Variants in PDLIM1 observed in about 807,000 individuals in gnomAD.
The protein encoded by PDLIM1 is PDZ and LIM domain protein 1.
Under a neutral mutation model 35.2 loss-of-function variants are expected in PDLIM1, and 25 were observed. The ratio of observed to expected loss-of-function variants is 0.71; its 90% confidence interval spans 0.52 to 0.99. The LOEUF is 0.99. Among genes scored for constraint, PDLIM1 ranks in the 50% least tolerant of loss-of-function variants. The pLI is 0.00. For missense variants in PDLIM1, 363 were observed against 415.3 expected (o/e 0.87, Z 1.09); for synonymous variants, 152 against 154.0 (o/e 0.99, Z 0.10).
At chr10:95,279,608 G>A (rs1422843201) in intron 1 of PDLIM1, among the ~76,000 whole-genome samples, 2 of 152,180 alleles carry the variant, frequency 1.3e-5, no homozygotes, top group African/African-American at 4.8e-5. Flanking sequence ...AACACGCTGA[G>A]CTCTGCATGC....
chr10:95,255,937 A>ACACACACACAC (rs1554832046), intron 4 of PDLIM1, among the ~76,000 whole-genome samples: 17 of 151,420 alleles, frequency 1.1e-4, no homozygotes, highest in South Asian at 6.3e-4. Context: ...ACACACACAC[A>ACACACACACAC]ATTGGAACTA....
At chr10:95,267,720 TCAACTTCATA>T (rs1250171390) in intron 3 of PDLIM1, among the ~76,000 whole-genome samples, 3 of 152,226 alleles carry the variant, frequency 2.0e-5, no homozygotes, top group African/African-American at 7.2e-5. Context: ...CCAAGTGAGT[TCAACTTCATA>T]CAAGTTTCTG....
At chr10:95,271,099 T>C (rs2035461309) in intron 2 of PDLIM1, among the ~76,000 whole-genome samples, 1 of 151,724 alleles carries the variant, frequency 6.6e-6, no homozygotes, top group Non-Finnish European at 1.5e-5. Context: ...CAAGTGAAAA[T>C]GCAAGTATCT....
intron 5 of PDLIM1, among the ~76,000 whole-genome samples, chr10:95,244,085 TTTG>T (rs537618929): frequency 2.0e-5 from 3 of 152,282 alleles, no homozygotes; most frequent in African/African-American, 7.2e-5. Context: ...ACACTTAAAA[TTTG>T]TTAAGATGGT....
chr10:95,286,285 G>T (rs1564607613), intron 1 of PDLIM1, among the ~76,000 whole-genome samples: 1 of 152,014 alleles, frequency 6.6e-6, no homozygotes, highest in African/African-American at 2.4e-5. Flanking sequence ...TGAACCCAGG[G>T]GGTGGAGGTT....
chr10:95,237,620 C>T lies in PDLIM1; in HGVS notation c.*305G>A, dbSNP rs1345458317. Reference sequence around the variant, plus strand: ...GTAAAAACAAAATCAGTGTCAGACACGTTATATTTGATTGGGTTCAAATTT... The same window carrying T: ...GTAAAAACAAAATCAGTGTCAGACATGTTATATTTGATTGGGTTCAAATTT... On this transcript the variant is annotated 3_prime_UTR_variant, in exon 7 of 7. Transcript: ENST00000329399. The T allele has an allele frequency of 2.8e-6, 1 of 355,950 alleles. No individual in the cohort carries two copies. The highest frequency in any genetic ancestry group is 2.1e-5 in the African/African-American group (1 of 48,732). The allele number at this position is 355,950 out of a possible 1,614,324, so 22.0% of individuals were successfully genotyped here.
intron 5 of PDLIM1, among the ~76,000 whole-genome samples, chr10:95,246,561 T>C (rs1421526285): frequency 6.6e-6 from 1 of 152,208 alleles, no homozygotes; most frequent in Non-Finnish European, 1.5e-5. Flanking sequence ...TCAGTTACGA[T>C]GATGGATGTT....
rs1050498720 is a variant in PDLIM1, at chr10:95,248,143, A to C, written c.534-777T>G. Among the ~76,000 whole-genome samples the C allele has an allele frequency of 2.6e-5, 4 of 152,138 alleles. 1 individual carries two copies. Among genetic ancestry groups the C allele is most frequent in the Admixed American group, 1.3e-4 (2 of 15,282 alleles). ...AGTCTCTCATCAGCTATACCTGTAA[A>C]TCTATCCTCCATCTGACCCCTTCTC... On this transcript the variant is annotated intron_variant, in intron 4 of 6. Coordinates refer to ENST00000329399, the MANE Select transcript of PDLIM1 (RefSeq NM_020992.4).
chr10:95,283,560 G>A (rs1589520763), intron 1 of PDLIM1, among the ~76,000 whole-genome samples: 2 of 152,212 alleles, frequency 1.3e-5, no homozygotes, highest in African/African-American at 2.4e-5. Flanking sequence ...GAAATGCTAC[G>A]TGTGCGGAAA....
At chr10:95,289,235 G>A (rs976539487) in intron 1 of PDLIM1, among the ~76,000 whole-genome samples, 2 of 152,230 alleles carry the variant, frequency 1.3e-5, no homozygotes, top group South Asian at 4.1e-4. Flanking sequence ...TAAGCGAGTT[G>A]AAATGTGCAG....
intron 1 of PDLIM1, among the ~76,000 whole-genome samples, chr10:95,287,503 C>T (rs1301656825): frequency 6.6e-6 from 1 of 152,172 alleles, no homozygotes; most frequent in Non-Finnish European, 1.5e-5. Context: ...ACTCCTCCAA[C>T]TAAGGGCATC....
At chr10:95,241,663 T>C (rs1025222652) in intron 5 of PDLIM1, among the ~76,000 whole-genome samples, 1 of 152,134 alleles carries the variant, frequency 6.6e-6, no homozygotes, top group Non-Finnish European at 1.5e-5. Flanking sequence ...CCATCCTGAC[T>C]TTAGCCAACG....
chr10:95,265,316 C>T (rs946887631), intron 3 of PDLIM1, among the ~76,000 whole-genome samples: 2 of 152,072 alleles, frequency 1.3e-5, no homozygotes, highest in African/African-American at 2.4e-5. Context: ...TCTTTTGGGC[C>T]GAGCGTGGTG....
At chr10:95,255,671 C>T (rs986876991) in intron 4 of PDLIM1, among the ~76,000 whole-genome samples, 3 of 152,118 alleles carry the variant, frequency 2.0e-5, no homozygotes, top group Admixed American at 6.6e-5. Context: ...CCACAGCTAA[C>T]CTCTCACTCA....
chr10:95,290,997 G>A lies in PDLIM1; in HGVS notation c.-82C>T. 2.5e-6 allele frequency: 2 copies of A among 784,732 alleles called. No individual in the cohort carries two copies. Among genetic ancestry groups the A allele is most frequent in the Non-Finnish European group, 3.7e-6 (2 of 537,798 alleles). The allele number at this position is 784,732 out of a possible 1,614,324, so 48.6% of individuals were successfully genotyped here. ...AGCTTGCAGGGCACCCCCGGCGGCT[G>A]TCGGAGAAAGAGCGGCGCGGCGCGG... On this transcript the variant is annotated 5_prime_UTR_variant, in exon 1 of 7. Coordinates refer to ENST00000329399, the MANE Select transcript of PDLIM1 (RefSeq NM_020992.4). The surrounding 1 kb of genome is among the most constrained non-coding windows in gnomAD (Gnocchi z 4.7).
Position 95,264,047 on chromosome 10 carries a change from C to T in PDLIM1, c.350G>A (p.Gly117Glu). 1 of 1,613,504 alleles carries T rather than the reference C, an allele frequency of 6.2e-7. No individual in the cohort carries two copies. Among genetic ancestry groups the T allele is most frequent in the Non-Finnish European group, 8.5e-7 (1 of 1,179,818 alleles). The change falls in exon 4 of 7, where the codon GGA becomes GAA. Residue 117 changes from glycine to glutamate, a missense_variant. Coordinates refer to ENST00000329399, the MANE Select transcript of PDLIM1 (RefSeq NM_020992.4). ...CATGGCACTTCGGTTGTGGGCGCTT[C>T]CTATGTGCAGGACCTCCTGCAGGCA... ...ASEPQEVLHI[G>E]SAHNRSAMPF... is the part of the protein sequence containing the mutation.
At chr10:95,282,402 T>C (rs906189366) in intron 1 of PDLIM1, among the ~76,000 whole-genome samples, 12 of 152,224 alleles carry the variant, frequency 7.9e-5, no homozygotes, top group African/African-American at 2.7e-4. Flanking sequence ...TTTAAAATGT[T>C]CTTGGTTAGT....
At chr10:95,246,260 C>T (rs1310967069) in intron 5 of PDLIM1, among the ~76,000 whole-genome samples, 2 of 152,172 alleles carry the variant, frequency 1.3e-5, no homozygotes, top group Non-Finnish European at 2.9e-5. Flanking sequence ...GGTGTGAGGG[C>T]TGCTGATCAT....
intron 4 of PDLIM1, among the ~76,000 whole-genome samples, chr10:95,263,012 G>A (rs45526632): frequency 1.6e-3 from 246 of 152,178 alleles, no homozygotes; most frequent in Non-Finnish European, 2.6e-3. Context: ...AAGTGTGGTG[G>A]CACACACCTG....
Sources: gnomAD v4.1 joint callset for allele counts (sites outside exome capture counted in the v4.1 genomes callset) on GRCh38, gnomAD v4.1.1 for gene constraint, Gnocchi (gnomAD v3.1) non-coding constraint, MANE v1.5 for transcripts, NCBI Gene and HGNC (gene_info 2026-07-23, HGNC 2026-07-21) for gene names.